RBMS3: variants seen among roughly 807,000 people sequenced by gnomAD.
The protein encoded by RBMS3 is RNA binding motif single stranded interacting protein 3.
In RBMS3, 27 loss-of-function variants were observed where a neutral mutation model predicts 66.8. The ratio of observed to expected loss-of-function variants is 0.40; its 90% CI spans 0.30 to 0.56. The LOEUF (loss-of-function observed/expected upper bound fraction) is 0.56, where lower values mean the gene tolerates loss of function less well. RBMS3 is among the 20% of genes least tolerant of loss of function. The pLI is 0.40. For missense variants in RBMS3, 513 were observed against 549.5 expected, an observed-to-expected ratio of 0.93 and a Z score of 0.66; for synonymous variants, 188 against 183.0, an observed-to-expected ratio of 1.03 and a Z score of -0.22.
intron 8 of RBMS3, among the ~76,000 whole-genome samples, chr3:29,889,933 T>G (rs892257719): frequency 8.6e-5 from 13 of 151,550 alleles, no homozygotes; most frequent in Non-Finnish European, 1.9e-4. Flanking sequence ...CCTAAAATAT[T>G]ACCTCTAGTT....
At chr3:29,294,449 A>G (rs2033076994) in intron 1 of RBMS3, among the ~76,000 whole-genome samples, 1 of 150,834 alleles carries the variant, frequency 6.6e-6, no homozygotes, top group South Asian at 2.1e-4. Context: ...AAAAAAAGAA[A>G]AAAAAAACAT....
intron 4 of RBMS3, among the ~76,000 whole-genome samples, chr3:29,713,220 A>G (rs758850627): frequency 1.3e-5 from 2 of 151,950 alleles, no homozygotes; most frequent in Non-Finnish European, 2.9e-5. Context: ...CCCATTAATG[A>G]TCACTTCCAT....
chr3:29,943,667 C>T (rs982308716), intron 11 of RBMS3, among the ~76,000 whole-genome samples: 2 of 151,816 alleles, frequency 1.3e-5, no homozygotes, highest in African/African-American at 4.8e-5. Context: ...GTGAAAGCAC[C>T]TTCCGCTCTG....
chr3:29,704,008 T>A (rs2052755960), intron 4 of RBMS3, among the ~76,000 whole-genome samples: 1 of 152,226 alleles, frequency 6.6e-6, no homozygotes, highest in East Asian at 1.9e-4. Flanking sequence ...TGTGTGTTCC[T>A]TATGAGAATC....
chr3:29,505,221 G>A (rs937551995), intron 3 of RBMS3, among the ~76,000 whole-genome samples: 1 of 151,798 alleles, frequency 6.6e-6, no homozygotes, highest in African/African-American at 2.4e-5. Context: ...TCCCTTTTGA[G>A]TTGATTTTTG....
chr3:29,815,913 A>G (rs569621402), intron 6 of RBMS3, among the ~76,000 whole-genome samples: 4 of 151,898 alleles, frequency 2.6e-5, no homozygotes, highest in Non-Finnish European at 4.4e-5. Flanking sequence ...ACCGAAAAGC[A>G]CCTGTACTCC....
chr3:29,282,237 T>C (rs2125406854), intron 1 of RBMS3, among the ~76,000 whole-genome samples: 1 of 151,990 alleles, frequency 6.6e-6, no homozygotes, highest in African/African-American at 2.4e-5. Flanking sequence ...GAAAGAAGGG[T>C]GTGAGAAGGT....
intron 13 of RBMS3, among the ~76,000 whole-genome samples, chr3:29,988,992 TTA>T (rs1256350011): frequency 6.6e-6 from 1 of 152,198 alleles, no homozygotes; most frequent in Non-Finnish European, 1.5e-5. Context: ...TCCCCAGAGA[TTA>T]TGATTTATTT....
chr3:29,442,314 A>G (rs1190034774), intron 2 of RBMS3, among the ~76,000 whole-genome samples: 1 of 152,134 alleles, frequency 6.6e-6, no homozygotes, highest in Non-Finnish European at 1.5e-5. Flanking sequence ...TTATTGTCCC[A>G]CTGATTCATT....
rs560544162 is a variant in RBMS3, at chr3:29,281,493, G to T, written c.-189G>T. On this transcript the variant is annotated 5_prime_UTR_variant, in exon 1 of 15. Coordinates refer to ENST00000383767, the MANE Select transcript of RBMS3 (RefSeq NM_001003793.3). Reference sequence around the variant, plus strand: ...CCTCGCCCTTTTTTTTTTTCCTTTGGTGTGTGTTTTTTGTTTTGTTTTGTT... The same window carrying T: ...CCTCGCCCTTTTTTTTTTTCCTTTGTTGTGTGTTTTTTGTTTTGTTTTGTT... 73 of 558,262 alleles carry T rather than the reference G, an allele frequency of 1.3e-4. 1 individual carries two copies. The highest frequency in any genetic ancestry group is 2.1e-4 in the Non-Finnish European group (67 of 318,020). The allele number at this position is 558,262 out of a possible 1,614,324, so 34.6% of individuals were successfully genotyped here.
intron 4 of RBMS3, among the ~76,000 whole-genome samples, chr3:29,588,841 T>G (rs2047625131): frequency 6.6e-6 from 1 of 152,186 alleles, no homozygotes; most frequent in East Asian, 1.9e-4. Context: ...AATGATGAAA[T>G]GTAGCTGTTA....
At chr3:29,542,361 A>ATTT (rs11451149) in intron 3 of RBMS3, among the ~76,000 whole-genome samples, 1 of 151,208 alleles carries the variant, frequency 6.6e-6, no homozygotes, top group South Asian at 2.1e-4. Flanking sequence ...ATCATCTCCA[A>ATTT]TTTTTTTTTG....
intron 12 of RBMS3, among the ~76,000 whole-genome samples, chr3:29,975,966 C>T (rs968982954): frequency 7.2e-5 from 11 of 151,894 alleles, no homozygotes; most frequent in Non-Finnish European, 1.5e-4. Flanking sequence ...TGTGGCATAT[C>T]TCTGAATATA....
chr3:29,524,724 A>G (rs1267113479), intron 3 of RBMS3, among the ~76,000 whole-genome samples: 1 of 151,836 alleles, frequency 6.6e-6, no homozygotes, highest in East Asian at 1.9e-4. Flanking sequence ...GATTACAGGC[A>G]TGAGCCATCA....
At chr3:29,623,040 T>G (rs1013082262) in intron 4 of RBMS3, among the ~76,000 whole-genome samples, 1 of 146,412 alleles carries the variant, frequency 6.8e-6, no homozygotes. Context: ...TGGCGTGAAC[T>G]GGCAAGCTTG....
intron 4 of RBMS3, among the ~76,000 whole-genome samples, chr3:29,680,335 C>T (rs2051434275): frequency 6.6e-6 from 1 of 152,182 alleles, no homozygotes; most frequent in Non-Finnish European, 1.5e-5. Flanking sequence ...ACTTGGGTCC[C>T]ATTCTATTCT....
intron 6 of RBMS3, among the ~76,000 whole-genome samples, chr3:29,817,403 C>T (rs2149469115): frequency 6.6e-6 from 1 of 152,044 alleles, no homozygotes; most frequent in Non-Finnish European, 1.5e-5. Flanking sequence ...CAGGTTTTTA[C>T]CATGTTGGCC....
At chr3:29,480,592 A>C (rs762543281) in intron 2 of RBMS3, among the ~76,000 whole-genome samples, 1 of 152,222 alleles carries the variant, frequency 6.6e-6, no homozygotes, top group African/African-American at 2.4e-5. Context: ...ATTTTTACCA[A>C]TTAGAAAGTT....
At chr3:29,961,505 G>A (rs915832429) in intron 12 of RBMS3, among the ~76,000 whole-genome samples, 1 of 152,024 alleles carries the variant, frequency 6.6e-6, no homozygotes, top group African/African-American at 2.4e-5. Context: ...TACTATACTA[G>A]TCTGTTCTCA....
Sources: allele counts gnomAD v4.1 joint callset (sites outside exome capture counted in the v4.1 genomes callset), GRCh38; gene constraint gnomAD v4.1.1; transcripts MANE v1.5; gene names NCBI Gene and HGNC (gene_info 2026-07-23, HGNC 2026-07-21).